Variants in CELF4 observed in about 807,000 individuals in gnomAD.
CELF4 encodes the protein CUG-BP- and ETR-3-like factor 4.
CELF4 carries 18 observed loss-of-function variants against 59.9 expected under a neutral mutation model. The ratio of observed to expected loss-of-function variants is 0.30; its 90% CI spans 0.21 to 0.45. The LOEUF (loss-of-function observed/expected upper bound fraction) is 0.45, where lower values mean the gene tolerates loss of function less well. Among genes scored for constraint, CELF4 ranks in the 20% least tolerant of loss-of-function variants. The pLI, the probability that CELF4 is intolerant of heterozygous loss-of-function variation, is 1.00. For missense variants in CELF4, 456 were observed against 689.0 expected, an observed-to-expected ratio of 0.66 and a Z score of 3.79; for synonymous variants, 261 against 267.1, an observed-to-expected ratio of 0.98 and a Z score of 0.22.
At chr18:37,354,219 G>A (rs2098522141) in intron 2 of CELF4, among the ~76,000 whole-genome samples, 1 of 152,180 alleles carries the variant, frequency 6.6e-6, no homozygotes, top group Admixed American at 6.5e-5. Context: ...ACAGCTGCAT[G>A]AGGAAGCACC....
Position 37,274,402 on chromosome 18 carries a change from G to C in CELF4, c.710C>G (p.Thr237Arg), listed in dbSNP as rs759700050. Reference sequence around the variant, plus strand: ...AGCCATCTGCTGCATTCGCCGCATCGTGCGCTCCTTGTCGGTGTCGGCGAA... The same window carrying C: ...AGCCATCTGCTGCATTCGCCGCATCCTGCGCTCCTTGTCGGTGTCGGCGAA... ...VKFADTDKERTMRRMQQMAGQ... is the reference protein window; with the variant it reads ...VKFADTDKERRMRRMQQMAGQ... Residue 237 changes from threonine (T) to arginine (R), a missense_variant, in exon 6 of 13, where the codon ACG becomes AGG. Around this residue, in one of 7 missense-constraint regions of CELF4, gnomAD observed 6 missense variants for 29.6 expected, o/e 0.20. Transcript: ENST00000420428. 2 of 1,613,554 alleles carry C rather than the reference G, an allele frequency of 1.2e-6. No homozygotes were observed. The highest frequency in any genetic ancestry group is 1.7e-6 in the Non-Finnish European group (2 of 1,179,978).
Position 37,274,736 on chromosome 18 carries a change from G to T in CELF4, c.657+69C>A, listed in dbSNP as rs745819955. On this transcript the variant is annotated intron_variant, in intron 5 of 12. Coordinates refer to ENST00000420428, the MANE Select transcript of CELF4 (RefSeq NM_020180.4). ...TCTTGGGGAGACTGGACAGCCGGCGGGGCGTGGCGGGTGCTGGGGTCTCGG... is the reference window on the plus strand; with the variant it reads ...TCTTGGGGAGACTGGACAGCCGGCGTGGCGTGGCGGGTGCTGGGGTCTCGG... The T allele has an allele frequency of 4.0e-6, 6 of 1,508,490 alleles. No individual in the cohort carries two copies. In the East Asian group the frequency reaches 1.5e-4, roughly 37 times the overall value. 93.4% of individuals were successfully genotyped at this position (1,508,490 alleles called of 1,614,324 possible). A position where few individuals can be genotyped will look rare whatever the true frequency, so the allele number is the denominator to read the frequency against.
intron 1 of CELF4, among the ~76,000 whole-genome samples, chr18:37,546,795 C>G (rs1160544829): frequency 6.6e-6 from 1 of 152,224 alleles, no homozygotes; most frequent in East Asian, 1.9e-4. Context: ...CTAGCAGACA[C>G]ACCACAGCCT....
intron 2 of CELF4, among the ~76,000 whole-genome samples, chr18:37,328,944 C>T (rs930166781): frequency 6.6e-6 from 1 of 152,194 alleles, no homozygotes; most frequent in Non-Finnish European, 1.5e-5. Flanking sequence ...AATATAAAGC[C>T]TTTCCTTCTT....
Position 37,266,580 on chromosome 18 carries a change from G to A in CELF4, c.1118C>T (p.Ala373Val), listed in dbSNP as rs922164395. The change falls in exon 9 of 13, where the codon GCG (alanine) becomes GTG (valine). Residue 373 changes from alanine to valine, a missense_variant. By Grantham distance (64) the Ala-to-Val change is moderately conservative. This residue lies in a region of CELF4 where 256 missense variants were observed against 340.8 expected (regional missense o/e 0.75). Transcript: ENST00000420428. Reference sequence around the variant, plus strand: ...GGCGTAGGCCTGCTGCAGGGGGTCCGCGGCGGTGGGGCTCTGTGCTGTAGG... The same window carrying A: ...GGCGTAGGCCTGCTGCAGGGGGTCCACGGCGGTGGGGCTCTGTGCTGTAGG... ...HPYPAQSPTA[A>V]DPLQQAYAGV... 24 of 1,594,106 alleles carry A rather than the reference G, an allele frequency of 1.5e-5. No homozygotes were observed. Among genetic ancestry groups the A allele is most frequent in the Admixed American group, 5.3e-5 (3 of 56,244 alleles).
At chr18:37,507,918 C>A (rs2099939965) in intron 1 of CELF4, among the ~76,000 whole-genome samples, 1 of 152,174 alleles carries the variant, frequency 6.6e-6, no homozygotes, top group Admixed American at 6.5e-5. Flanking sequence ...GAGCCAGAAA[C>A]CCAGCAGTTC....
intron 2 of CELF4, among the ~76,000 whole-genome samples, chr18:37,433,736 G>A (rs1169274112): frequency 3.3e-5 from 5 of 152,146 alleles, no homozygotes; most frequent in Non-Finnish European, 7.4e-5. Flanking sequence ...GAGTGAGTCT[G>A]AGGATGGACC....
chr18:37,514,029 C>T (rs989666991), intron 1 of CELF4, among the ~76,000 whole-genome samples: 1 of 151,680 alleles, frequency 6.6e-6, no homozygotes, highest in Non-Finnish European at 1.5e-5. Flanking sequence ...GAGGTGATGG[C>T]TCTACCAAGT....
At chr18:37,363,956 C>G (rs759755226) in intron 2 of CELF4, among the ~76,000 whole-genome samples, 26 of 152,294 alleles carry the variant, frequency 1.7e-4, no homozygotes, top group Admixed American at 5.2e-4. Flanking sequence ...CAGGTGGGGA[C>G]CACATCTGTC....
At chr18:37,275,600 G>T (rs1362494579) in intron 3 of CELF4, 2 of 271,556 alleles carry the variant, frequency 7.4e-6, no homozygotes, top group African/African-American at 4.5e-5. Flanking sequence ...CACACGGGCA[G>T]CCTGCGTTCC....
intron 2 of CELF4, among the ~76,000 whole-genome samples, chr18:37,476,428 T>TA (rs1022727797): frequency 3.5e-4 from 53 of 152,006 alleles, no homozygotes; most frequent in Non-Finnish European, 6.5e-4. Flanking sequence ...TGCCTTTGAT[T>TA]AAAAAAAAGG....
chr18:37,388,002 G>T (rs578176018), intron 2 of CELF4, among the ~76,000 whole-genome samples: 4 of 151,958 alleles, frequency 2.6e-5, no homozygotes, highest in Non-Finnish European at 5.9e-5. Context: ...GCCCTCTGTG[G>T]CCTTTATTGT....
intron 2 of CELF4, chr18:37,474,042 T>C (rs1228938578): frequency 6.6e-6 from 1 of 152,164 alleles, no homozygotes; most frequent in Non-Finnish European, 1.5e-5. Flanking sequence ...TGATGACAGA[T>C]GCAATGCCCT....
chr18:37,390,993 G>A (rs1365942473), intron 2 of CELF4, among the ~76,000 whole-genome samples: 8 of 152,276 alleles, frequency 5.3e-5, no homozygotes, highest in African/African-American at 1.9e-4. Flanking sequence ...CCCCGTCCTT[G>A]TAACTTTGTC....
At position 37,523,223 on chromosome 18, in the gene CELF4, G is replaced by A. The variant is rs2056334532; in HGVS notation, c.287-37616C>T. Among the ~76,000 whole-genome samples the A allele has an allele frequency of 4.6e-5, 7 of 152,272 alleles. No homozygotes were observed. In the South Asian group the frequency reaches 1.5e-3, roughly 32 times the overall value. ...ACAGCGGGACCACATGGATCCAGAA[G>A]TCTTCAGAGGCTCGTTTGTTGGGCA... On this transcript the variant is annotated intron_variant, in intron 1 of 12. Transcript: ENST00000420428.
chr18:37,375,948 C>T (rs1282586365), intron 2 of CELF4, among the ~76,000 whole-genome samples: 2 of 152,186 alleles, frequency 1.3e-5, no homozygotes, highest in African/African-American at 4.8e-5. Context: ...AACTTTATTA[C>T]TGGGTAACTA....
intron 1 of CELF4, among the ~76,000 whole-genome samples, chr18:37,547,492 G>C (rs1289532209): frequency 6.6e-6 from 1 of 152,158 alleles, no homozygotes; most frequent in Non-Finnish European, 1.5e-5. Flanking sequence ...CAGTGCCTGG[G>C]GCTGGGTGGC....
chr18:37,273,913 C>T (rs1033605047), intron 6 of CELF4: 1 of 1,042,458 alleles, frequency 9.6e-7, no homozygotes, highest in Non-Finnish European at 1.2e-6. Flanking sequence ...CCAGGAGAGA[C>T]CAGAAGGCCT....
rs753500083 is a variant in CELF4 at position 37,253,917 on chromosome 18, G to T, written c.1355C>A (p.Pro452Gln). 1.2e-6 allele frequency: 2 copies of T among 1,607,176 alleles called. No individual in the cohort carries two copies. Among genetic ancestry groups the T allele is most frequent in the Non-Finnish European group, 1.7e-6 (2 of 1,177,222 alleles). ...CTGGATGGCGGTCTGCGCGCTGGCCGGGTTGTCGAAGCTCACGAAGCCTGG... is the reference window on the plus strand; with the variant it reads ...CTGGATGGCGGTCTGCGCGCTGGCCTGGTTGTCGAAGCTCACGAAGCCTGG... The part of the protein sequence containing the change: ...LPFGFVSFDN[P>Q]ASAQTAIQAM... Residue 452 changes from proline (P) to glutamine (Q), a missense_variant, in exon 12 of 13, where the codon CCG becomes CAG. Around this residue, in one of 7 missense-constraint regions of CELF4, gnomAD observed 256 missense variants for 340.8 expected, o/e 0.75. Transcript: ENST00000420428. This position sits in a 1 kb window ranked among gnomAD's most constrained non-coding sequence, Gnocchi z 4.5.
Sources: gnomAD v4.1 joint callset for allele counts (sites outside exome capture counted in the v4.1 genomes callset) on GRCh38, gnomAD v4.1.1 for gene constraint, gnomAD v4.1.1 regional missense constraint, Gnocchi (gnomAD v3.1) non-coding constraint, MANE v1.5 for transcripts, NCBI Gene and HGNC (gene_info 2026-07-23, HGNC 2026-07-21) for gene names.